Variants in MIB1 observed in about 807,000 individuals in gnomAD.
The protein encoded by MIB1 is MIB E3 ubiquitin protein ligase 1, also known as E3 ubiquitin-protein ligase MIB1.
Under a neutral mutation model 124.5 loss-of-function variants are expected in MIB1, and 278 were observed. That is an observed-to-expected ratio of 2.23 (90% CI 2.02 to 2.47). MIB1 has a LOEUF of 2.47. Ranked by LOEUF, MIB1 falls within the 30% of genes most tolerant of loss-of-function variation. MIB1 has a pLI of 0.00. For missense variants in MIB1, 957 were observed against 1,254.4 expected, an observed-to-expected ratio of 0.76 and a Z score of 3.58; for synonymous variants, 446 against 429.4, an observed-to-expected ratio of 1.04 and a Z score of -0.48.
intron 8 of MIB1, among the ~76,000 whole-genome samples, chr18:21,798,723 T>C (rs188880714): frequency 7.9e-5 from 12 of 152,208 alleles, no homozygotes; most frequent in Admixed American, 5.2e-4. Flanking sequence ...GAAACTATGC[T>C]AAAATGTGAA....
intron 20 of MIB1, among the ~76,000 whole-genome samples, chr18:21,861,564 T>C (rs895372364): frequency 6.6e-6 from 1 of 151,886 alleles, no homozygotes; most frequent in Non-Finnish European, 1.5e-5. Context: ...CGCCATATTT[T>C]ATCACTGAAG....
At chr18:21,707,690 G>A (rs2040646026) in intron 1 of MIB1, among the ~76,000 whole-genome samples, 1 of 152,146 alleles carries the variant, frequency 6.6e-6, no homozygotes, top group Non-Finnish European at 1.5e-5. Flanking sequence ...TCACTGCGAT[G>A]GTCCGCGGCT....
chr18:21,715,719 CT>C (rs1161517311), intron 1 of MIB1, among the ~76,000 whole-genome samples: 2 of 152,016 alleles, frequency 1.3e-5, no homozygotes, highest in South Asian at 2.1e-4. Flanking sequence ...GCAAAATGCT[CT>C]GGAAAGTCTC....
chr18:21,789,809 G>A (rs2041481559), intron 6 of MIB1, among the ~76,000 whole-genome samples: 1 of 152,118 alleles, frequency 6.6e-6, no homozygotes, highest in South Asian at 2.1e-4. Context: ...GTTTACTTGT[G>A]TGGTTACAGA....
rs1162222630 is a variant in MIB1, at chr18:21,762,253, C to T, written c.230-3519C>T. On this transcript the variant is annotated intron_variant, in intron 1 of 20. Transcript: ENST00000261537. Reference sequence around the variant, plus strand: ...TCAAATGCCATCAAAAACTTTGACCCTGCCTTCAATGTTTTAAAAAGGCAC... The same window carrying T: ...TCAAATGCCATCAAAAACTTTGACCTTGCCTTCAATGTTTTAAAAAGGCAC... Among the ~76,000 whole-genome samples, 4 of 152,076 alleles carry T rather than the reference C, an allele frequency of 2.6e-5. No homozygotes were observed. In the South Asian group the frequency reaches 6.2e-4, roughly 24 times the overall value.
chr18:21,833,986 A>G (rs146277393), intron 12 of MIB1, among the ~76,000 whole-genome samples: 10 of 152,300 alleles, frequency 6.6e-5, no homozygotes, highest in Middle Eastern at 3.4e-3. Context: ...GAGACAGTCT[A>G]TTGGCTTAAC....
At chr18:21,747,995 A>G (rs532388424) in intron 1 of MIB1, among the ~76,000 whole-genome samples, 76 of 152,368 alleles carry the variant, frequency 5.0e-4, no homozygotes, top group Non-Finnish European at 8.5e-4. Context: ...AATCAGACAC[A>G]CTTTTCAAAG....
intron 20 of MIB1, among the ~76,000 whole-genome samples, chr18:21,862,370 A>T (rs893940728): frequency 2.0e-5 from 3 of 152,232 alleles, no homozygotes; most frequent in African/African-American, 7.2e-5. Context: ...ACAACATGTC[A>T]TATAGGCTTT....
rs1444968818 is a variant in MIB1 at position 21,748,393 on chromosome 18, CCCTCCCTCTCTCCCT to C, written c.229+6583_229+6597del. Among the ~76,000 whole-genome samples, 3 of 110,920 alleles carry C rather than the reference CCCTCCCTCTCTCCCT, an allele frequency of 2.7e-5. No individual in the cohort carries two copies. In the Admixed American group the frequency reaches 2.8e-4, roughly 11 times the overall value. 72.8% of individuals were successfully genotyped at this position (110,920 alleles called of 152,430 possible). ...CCTCTCTCCCCCCTCCCTCTCTCCC[CCCTCCCTCTCTCCCT>C]CTCTCCCTCTTTCCCCCCTTCTCCC... On this transcript the variant is annotated intron_variant, in intron 1 of 20. Coordinates refer to ENST00000261537, the MANE Select transcript of MIB1 (RefSeq NM_020774.4).
At chr18:21,817,521 A>G (rs1458651514) in intron 11 of MIB1, 1 of 193,498 alleles carries the variant, frequency 5.2e-6, no homozygotes, top group African/African-American at 2.4e-5. Context: ...TTTTGCCACA[A>G]CTATCTAACT....
chr18:21,782,042 A>G (rs1392965969), intron 6 of MIB1, among the ~76,000 whole-genome samples: 1 of 151,538 alleles, frequency 6.6e-6, no homozygotes, highest in Non-Finnish European at 1.5e-5. Context: ...TCCTTCTACT[A>G]TTGGATTTGC....
chr18:21,828,354 ATTTTAAG>A (rs1193019791), intron 12 of MIB1: 1 of 151,928 alleles, frequency 6.6e-6, no homozygotes, highest in African/African-American at 2.4e-5. Context: ...ATTTTAATTA[ATTTTAAG>A]TTTTAACTTC....
At chr18:21,800,197 CA>C (rs1316190291) in intron 9 of MIB1, among the ~76,000 whole-genome samples, 1 of 151,952 alleles carries the variant, frequency 6.6e-6, no homozygotes, top group Non-Finnish European at 1.5e-5. Context: ...ATGATTTACA[CA>C]CTTACATTTT....
intron 18 of MIB1, among the ~76,000 whole-genome samples, chr18:21,855,653 G>C (rs1042725582): frequency 6.6e-6 from 1 of 152,164 alleles, no homozygotes; most frequent in African/African-American, 2.4e-5. Flanking sequence ...GTAACTGACT[G>C]TTCTCCATCC....
At chr18:21,819,839 A>G (rs2041863658) in intron 12 of MIB1, among the ~76,000 whole-genome samples, 193 bp downstream of exon 12, 1 of 152,200 alleles carries the variant, frequency 6.6e-6, no homozygotes, top group South Asian at 2.1e-4. Context: ...ATATTATGAA[A>G]TGATTATTTA....
intron 12 of MIB1, among the ~76,000 whole-genome samples, chr18:21,838,131 G>A (rs1482365839): frequency 6.6e-6 from 1 of 151,974 alleles, no homozygotes; most frequent in African/African-American, 2.4e-5. Flanking sequence ...GCTGGGCATG[G>A]TGGCATGTAC....
intron 13 of MIB1, among the ~76,000 whole-genome samples, chr18:21,839,482 C>G (rs1277972020): frequency 1.3e-5 from 2 of 152,036 alleles, no homozygotes; most frequent in East Asian, 3.9e-4. Flanking sequence ...CTCTAATGTT[C>G]TAGATCTTTT....
At chr18:21,831,294 T>TTA (rs2041979976) in intron 12 of MIB1, 1 of 150,448 alleles carries the variant, frequency 6.6e-6, no homozygotes, top group Non-Finnish European at 1.5e-5. Flanking sequence ...GTTTCCAGGA[T>TTA]TAAATAGTAG....
At chr18:21,829,675 T>G (rs930373952) in intron 12 of MIB1, among the ~76,000 whole-genome samples, 2 of 152,106 alleles carry the variant, frequency 1.3e-5, no homozygotes. Flanking sequence ...CGTGATCATT[T>G]GAAAATTTGT....
Sources: allele counts gnomAD v4.1 joint callset (sites outside exome capture counted in the v4.1 genomes callset), GRCh38; gene constraint gnomAD v4.1.1; transcripts MANE v1.5; gene names NCBI Gene and HGNC (gene_info 2026-07-23, HGNC 2026-07-21).